HSD17B11: variants seen among roughly 807,000 people sequenced by gnomAD.
The protein encoded by HSD17B11 is estradiol 17-beta-dehydrogenase 11.
HSD17B11 carries 22 observed loss-of-function variants against 27.8 expected under a neutral mutation model. The ratio of observed to expected loss-of-function variants is 0.79; its 90% CI spans 0.56 to 1.13. The LOEUF (loss-of-function observed/expected upper bound fraction) is 1.13, where lower values mean the gene tolerates loss of function less well. Ranked by LOEUF, HSD17B11 falls within the 50% of genes most tolerant of loss-of-function variation. The pLI, the probability that HSD17B11 is intolerant of heterozygous loss-of-function variation, is 0.00. For synonymous variants in HSD17B11, 117 were observed against 132.8 expected, an observed-to-expected ratio of 0.88 and a Z score of 0.82; for missense variants, 314 against 351.1, an observed-to-expected ratio of 0.89 and a Z score of 0.84.
chr4:87,378,863 T>TAC (rs1720011845), intron 2 of HSD17B11, among the ~76,000 whole-genome samples: 1 of 24,430 alleles, frequency 4.1e-5, no homozygotes, highest in East Asian at 3.8e-4. Context: ...TATAAATATA[T>TAC]ATAAATATAT....
In HSD17B11 at chr4:87,340,546, A is replaced by T. The variant is rs1309143174; in HGVS notation, c.756T>A (p.Thr252=). Residue 252 remains threonine, a synonymous_variant, in exon 6 of 7, where the codon ACT becomes ACA. Coordinates refer to ENST00000358290, the MANE Select transcript of HSD17B11 (RefSeq NM_016245.5). Reference sequence around the variant, plus strand: ...ATGGAATAAAAATCATCTTCTGCTCAGTCAGAATCCCATGCATCAGCCTGT... The same window carrying T: ...ATGGAATAAAAATCATCTTCTGCTCTGTCAGAATCCCATGCATCAGCCTGT... The part of the protein sequence containing the change: ...VVNRLMHGIL[T]EQKMIFIPSS... 6.2e-7 allele frequency: 1 copy of T among 1,611,956 alleles called. No individual in the cohort carries two copies. Among genetic ancestry groups the T allele is most frequent in the Admixed American group, 1.7e-5 (1 of 59,688 alleles).
chr4:87,339,460 T>C lies in HSD17B11; in HGVS notation c.812+1030A>G, dbSNP rs536731756. Among the ~76,000 whole-genome samples, 16 of 152,298 alleles carry C rather than the reference T, an allele frequency of 1.1e-4. No homozygotes were observed. In the Middle Eastern group the frequency reaches 0.01, roughly 97 times the overall value. On this transcript the variant is annotated intron_variant, in intron 6 of 6. Transcript: ENST00000358290. ...ACAGATTTCCGGTCCAACTCAAACA[T>C]CCATGTTAAAATCTTTAGAAGTGAG...
Position 87,378,915 on chromosome 4 carries a change from TATAAATATATATAA to T in HSD17B11, c.318+3326_318+3339del, listed in dbSNP as rs1560769445. Among the ~76,000 whole-genome samples the T allele has an allele frequency of 5.7e-4, 8 of 14,112 alleles. 1 individual carries two copies. Among genetic ancestry groups the T allele is most frequent in the African/African-American group, 3.1e-3 (6 of 1,906 alleles). 9.3% of individuals were successfully genotyped at this position (14,112 alleles called of 152,430 possible). Reference sequence around the variant, plus strand: ...ATATAAATATATATAAATATATATATATAAATATATATAAATATATATATATATATATTTATATA... The same window carrying T: ...ATATAAATATATATAAATATATATATATATATATATATATATATTTATATA... On this transcript the variant is annotated intron_variant, in intron 2 of 6. Transcript: ENST00000358290.
intron 2 of HSD17B11, among the ~76,000 whole-genome samples, chr4:87,377,717 T>G (rs1011953796): frequency 7.9e-5 from 12 of 152,304 alleles, no homozygotes; most frequent in African/African-American, 2.9e-4. Flanking sequence ...CCTAGCGTCC[T>G]AATGCATTTT....
intron 5 of HSD17B11, among the ~76,000 whole-genome samples, chr4:87,342,752 A>T (rs1376996685): frequency 1.3e-5 from 2 of 152,208 alleles, no homozygotes; most frequent in Non-Finnish European, 2.9e-5. Flanking sequence ...TCATTCATTT[A>T]TTAGAATATT....
At chr4:87,386,403 A>G (rs1436101023) in intron 1 of HSD17B11, among the ~76,000 whole-genome samples, 1 of 152,040 alleles carries the variant, frequency 6.6e-6, no homozygotes, top group Admixed American at 6.5e-5. Flanking sequence ...GGGTTTCACC[A>G]TGTTGCCCAG....
At chr4:87,385,343 G>A (rs915891228) in intron 1 of HSD17B11, among the ~76,000 whole-genome samples, 1 of 152,142 alleles carries the variant, frequency 6.6e-6, no homozygotes, top group Non-Finnish European at 1.5e-5. Context: ...AATACCATAT[G>A]AATGTACTTA....
intron 2 of HSD17B11, among the ~76,000 whole-genome samples, chr4:87,378,889 T>TAA (rs1187915024): frequency 1.8e-4 from 2 of 10,886 alleles, no homozygotes; most frequent in Non-Finnish European, 1.4e-4. Context: ...TAAATATATA[T>TAA]ATATAAATAT....
rs1342834407 is a variant in HSD17B11 at position 87,357,345 on chromosome 4, CCA to C, written c.627_628del (p.Gly210SerfsTer9). On this transcript the variant is annotated frameshift_variant, in exon 5 of 7. Transcript: ENST00000358290. LOFTEE classifies it high-confidence loss of function. The stretch of plus-strand genomic sequence containing the variant: ...AGGACACAGACATGTTGTTTTGACT[CCA>C]GTTATTTGTAAGGCAGCCAGTTCAT... The C allele has an allele frequency of 6.2e-7, 1 of 1,613,304 alleles. No homozygotes were observed. The highest frequency in any genetic ancestry group is 2.2e-5 in the East Asian group (1 of 44,838).
Position 87,336,905 on chromosome 4 carries a change from C to T in HSD17B11, c.*371G>A, listed in dbSNP as rs185722204. On this transcript the variant is annotated 3_prime_UTR_variant, in exon 7 of 7. Transcript: ENST00000358290. ...ATTTTATGTAGAACAGAAAAAGAAA[C>T]ACAAATTATACAAAATTTAAGTGCA... 3.8e-3 allele frequency: 693 copies of T among 181,956 alleles called. 3 individuals are homozygous for T. Among genetic ancestry groups the T allele is most frequent in the Non-Finnish European group, 5.7e-3 (501 of 88,610 alleles). 11.3% of individuals were successfully genotyped at this position (181,956 alleles called of 1,614,324 possible).
intron 4 of HSD17B11, among the ~76,000 whole-genome samples, chr4:87,367,201 G>A (rs1199500070): frequency 6.6e-6 from 1 of 152,156 alleles, no homozygotes; most frequent in Non-Finnish European, 1.5e-5. Flanking sequence ...TTTTACCAAG[G>A]CTTTGACTGG....
At chr4:87,379,965 A>C (rs1720094176) in intron 2 of HSD17B11, among the ~76,000 whole-genome samples, 1 of 148,130 alleles carries the variant, frequency 6.8e-6, no homozygotes, top group South Asian at 2.1e-4. Flanking sequence ...CAGCCTGTAT[A>C]TATATATTAC....
chr4:87,357,978 T>TTTTTTTTTTTTTA (rs1491025509), intron 4 of HSD17B11, among the ~76,000 whole-genome samples: 1 of 137,470 alleles, frequency 7.3e-6, no homozygotes, highest in Non-Finnish European at 1.6e-5. Flanking sequence ...TTTTTTTTTT[T>TTTTTTTTTTTTTA]TGAGACAGAG....
At chr4:87,384,475 C>G (rs932064552) in intron 1 of HSD17B11, among the ~76,000 whole-genome samples, 1 of 152,310 alleles carries the variant, frequency 6.6e-6, no homozygotes, top group African/African-American at 2.4e-5. Context: ...TTTCTTCTTG[C>G]AGACAGCCTA....
Position 87,390,941 on chromosome 4 carries a change from C to A in HSD17B11, c.130G>T (p.Ala44Ser). The stretch of plus-strand genomic sequence containing the variant: ...GTCAGTCTCCCAATTCCATGCCCAG[C>A]TCCTGTAATCAGCACGATTTCGCCG... The part of the protein sequence containing the change: ...VTGEIVLITG[A>S]GHGIGRLTAY... Residue 44 changes from alanine (A) to serine (S), a missense_variant, in exon 1 of 7, where the codon GCT (alanine) becomes TCT (serine). Coordinates refer to ENST00000358290, the MANE Select transcript of HSD17B11 (RefSeq NM_016245.5). 6.2e-7 allele frequency: 1 copy of A among 1,614,172 alleles called. No homozygotes were observed. Among genetic ancestry groups the A allele is most frequent in the Non-Finnish European group, 8.5e-7 (1 of 1,180,028 alleles).
chr4:87,360,867 G>A (rs1374928195), intron 4 of HSD17B11, among the ~76,000 whole-genome samples: 1 of 152,102 alleles, frequency 6.6e-6, no homozygotes, highest in African/African-American at 2.4e-5. Flanking sequence ...GGTATCCCAC[G>A]CAGAAATAGA....
intron 1 of HSD17B11, among the ~76,000 whole-genome samples, chr4:87,390,184 C>T (rs1200464777): frequency 2.0e-5 from 3 of 152,234 alleles, no homozygotes; most frequent in Non-Finnish European, 4.4e-5. Context: ...GAGACGGAGT[C>T]TAGCTCTGTC....
At chr4:87,344,704 A>T (rs925996345) in intron 5 of HSD17B11, among the ~76,000 whole-genome samples, 2 of 152,212 alleles carry the variant, frequency 1.3e-5, no homozygotes, top group Non-Finnish European at 2.9e-5. Context: ...CATTATTCTC[A>T]AGAACACATG....
At chr4:87,342,854 T>C (rs1242930224) in intron 5 of HSD17B11, among the ~76,000 whole-genome samples, 3 of 152,198 alleles carry the variant, frequency 2.0e-5, no homozygotes, top group Admixed American at 6.5e-5. Flanking sequence ...AATCGATGGC[T>C]TTTGGCCTAA....
Sources: allele counts gnomAD v4.1 joint callset (sites outside exome capture counted in the v4.1 genomes callset), GRCh38; gene constraint gnomAD v4.1.1; transcripts MANE v1.5; gene names NCBI Gene and HGNC (gene_info 2026-07-23, HGNC 2026-07-21).